FBXL2: variants seen among roughly 807,000 people sequenced by gnomAD.
FBXL2 encodes the protein F-box/LRR-repeat protein 2.
In FBXL2, 38 loss-of-function variants were observed where a neutral mutation model predicts 69.2. The ratio of observed to expected loss-of-function variants is 0.55; its 90% CI spans 0.42 to 0.72. The LOEUF (loss-of-function observed/expected upper bound fraction) is 0.72, where lower values mean the gene tolerates loss of function less well. Among genes scored for constraint, FBXL2 ranks in the 30% least tolerant of loss-of-function variants. FBXL2 has a pLI of 0.00. For synonymous variants in FBXL2, 192 were observed against 201.3 expected (o/e 0.95, Z 0.39); for missense variants, 354 against 520.3 (o/e 0.68, Z 3.11).
At chr3:33,312,389 A>C (rs184837587) in intron 2 of FBXL2, among the ~76,000 whole-genome samples, 115 of 152,256 alleles carry the variant, frequency 7.6e-4, no homozygotes, top group African/African-American at 2.6e-3. Flanking sequence ...GCAGTTTGTA[A>C]ATCTCCATGT....
chr3:33,297,311 C>T (rs2035834085), intron 1 of FBXL2, among the ~76,000 whole-genome samples: 1 of 152,066 alleles, frequency 6.6e-6, no homozygotes, highest in African/African-American at 2.4e-5. Flanking sequence ...GATTTTTGTG[C>T]ATTTTTAGAA....
chr3:33,374,011 C>G, intron 9 of FBXL2, 90 bp downstream of exon 9: 1 of 1,164,452 alleles, frequency 8.6e-7, no homozygotes, highest in African/African-American at 1.5e-5. Flanking sequence ...CCCTAGGCAC[C>G]TGAGATGGGC....
At chr3:33,391,421 T>G (rs971932045), downstream of FBXL2, 1 of 152,220 alleles carries the variant, frequency 6.6e-6, no homozygotes, top group East Asian at 1.9e-4. Flanking sequence ...ATTCTCTCCC[T>G]AAATGACCTT....
chr3:33,412,186 CAAA>C, the FBXL2 span, among the ~76,000 whole-genome samples: 4 of 63,452 alleles, frequency 6.3e-5, no homozygotes, highest in African/African-American at 1.3e-4. Flanking sequence ...AACTCCGTCT[CAAA>C]AAAAAAAAAA....
intron 4 of FBXL2, among the ~76,000 whole-genome samples, chr3:33,360,490 A>C (rs992883775): frequency 2.0e-5 from 3 of 152,182 alleles, no homozygotes; most frequent in Non-Finnish European, 4.4e-5. Flanking sequence ...TATTTCTGTC[A>C]TATTGTGGTG....
intron 1 of FBXL2, among the ~76,000 whole-genome samples, chr3:33,282,916 G>A (rs1191607544): frequency 6.6e-6 from 1 of 152,230 alleles, no homozygotes; most frequent in African/African-American, 2.4e-5. Flanking sequence ...AGACTTTGCT[G>A]AAGTGGCTTA....
rs147555535 is a variant in FBXL2, at chr3:33,351,137, G to T, written c.66-7830G>T. On this transcript the variant is annotated intron_variant, in intron 2 of 14. Transcript: ENST00000484457. ...CAAAAATTAGCCGGGCATGGTGGTG[G>T]TAGCTGTAATCCCAGCTACTCAGGA... Among the ~76,000 whole-genome samples the T allele has an allele frequency of 5.1e-3, 775 of 152,060 alleles. 9 individuals are homozygous for T. The highest frequency in any genetic ancestry group is 0.017 in the African/African-American group (696 of 41,506).
intron 1 of FBXL2, among the ~76,000 whole-genome samples, chr3:33,279,488 C>T (rs1416371917): frequency 6.6e-6 from 1 of 152,130 alleles, no homozygotes; most frequent in Admixed American, 6.5e-5. Flanking sequence ...TCAGGATGGT[C>T]TCCATCTCTT....
At chr3:33,341,202 T>C (rs1043150111) in intron 2 of FBXL2, among the ~76,000 whole-genome samples, 10 of 152,168 alleles carry the variant, frequency 6.6e-5, no homozygotes, top group African/African-American at 2.4e-4. Context: ...CTGAAATTGA[T>C]CAATTTTATA....
At chr3:33,282,979 C>T (rs1559482402) in intron 1 of FBXL2, among the ~76,000 whole-genome samples, 1 of 152,170 alleles carries the variant, frequency 6.6e-6, no homozygotes, top group Non-Finnish European at 1.5e-5. Flanking sequence ...AATATACAAT[C>T]ATGTCATCTG....
intron 2 of FBXL2, among the ~76,000 whole-genome samples, chr3:33,334,665 C>T (rs557565246): frequency 1.3e-5 from 2 of 152,132 alleles, no homozygotes; most frequent in African/African-American, 2.4e-5. Context: ...AATCTGATGA[C>T]AGACAACCCA....
intron 2 of FBXL2, among the ~76,000 whole-genome samples, chr3:33,312,710 AT>A (rs1247823275): frequency 6.6e-6 from 1 of 152,066 alleles, no homozygotes; most frequent in Non-Finnish European, 1.5e-5. Flanking sequence ...TATTTATTTT[AT>A]TTATTTAACT....
intron 1 of FBXL2, among the ~76,000 whole-genome samples, chr3:33,292,219 A>T (rs557994631): frequency 2.0e-5 from 3 of 152,220 alleles, no homozygotes; most frequent in Non-Finnish European, 2.9e-5. Flanking sequence ...ATCTCTACTA[A>T]AAATACAAAA....
At chr3:33,336,912 CA>C (rs1390396665) in intron 2 of FBXL2, among the ~76,000 whole-genome samples, 1 of 148,500 alleles carries the variant, frequency 6.7e-6, no homozygotes, top group Non-Finnish European at 1.5e-5. Context: ...TCAAAACAAA[CA>C]AACAACCTTG....
chr3:33,355,188 C>G (rs2041111321), intron 2 of FBXL2, among the ~76,000 whole-genome samples: 2 of 152,072 alleles, frequency 1.3e-5, no homozygotes, highest in African/African-American at 4.8e-5. Flanking sequence ...CCTTAGCCTT[C>G]CAAAGTGCTG....
chr3:33,402,805 C>T (rs773687450), intron 12 of FBXL2: 9 of 1,579,942 alleles, frequency 5.7e-6, no homozygotes, highest in Non-Finnish European at 6.9e-6. Context: ...AGATACCTGT[C>T]TGGGACACTG....
At chr3:33,355,506 A>G (rs932625939) in intron 2 of FBXL2, among the ~76,000 whole-genome samples, 1 of 152,204 alleles carries the variant, frequency 6.6e-6, no homozygotes, top group Admixed American at 6.5e-5. Context: ...TTAATAGGAA[A>G]TTCCGAGGAT....
rs781568390 is a variant in FBXL2 at position 33,373,551 on chromosome 3, A to C, written c.456-27A>C. 12 of 1,614,098 alleles carry C rather than the reference A, an allele frequency of 7.4e-6. No homozygotes were observed. The South Asian group carries it at 1.3e-4, about 18-fold the overall frequency. On this transcript the variant is annotated intron_variant, in intron 7 of 14. Transcript: ENST00000484457. ...TAACTCTCTACAGGAGAGACTGCAC[A>C]TAAGTTTTTGTTTCTTGTTCTCTCA...
chr3:33,411,465 C>T, the FBXL2 span: 1 of 881,286 alleles, frequency 1.1e-6, no homozygotes, highest in Non-Finnish European at 1.8e-6. Flanking sequence ...TAGAAAGACA[C>T]TACAACATAG....
Sources: gnomAD v4.1 joint callset for allele counts (sites outside exome capture counted in the v4.1 genomes callset) on GRCh38, gnomAD v4.1.1 for gene constraint, MANE v1.5 for transcripts, NCBI Gene and HGNC (gene_info 2026-07-23, HGNC 2026-07-21) for gene names.